Variants in CSNK2A2IP observed in about 807,000 individuals in gnomAD.
The protein encoded by CSNK2A2IP is casein kinase II subunit alpha'-interacting protein.
the CSNK2A2IP span, among the ~76,000 whole-genome samples, chr3:88,350,083 A>T: frequency 2.6e-5 from 4 of 152,016 alleles, no homozygotes; most frequent in African/African-American, 9.7e-5. Context: ...AAGTGTCTTC[A>T]TTTTCAGTAT....
the CSNK2A2IP span, among the ~76,000 whole-genome samples, chr3:88,429,254 A>G: frequency 6.6e-6 from 1 of 151,940 alleles, no homozygotes; most frequent in East Asian, 2.0e-4. Context: ...TCTTCCTACT[A>G]CGCAATGAGC....
the CSNK2A2IP span, chr3:88,343,425 C>T: frequency 6.6e-6 from 1 of 151,830 alleles, no homozygotes; most frequent in Admixed American, 6.6e-5. Context: ...CTTATCACTC[C>T]AGTGAGTCTG....
the CSNK2A2IP span, among the ~76,000 whole-genome samples, chr3:88,342,997 C>T: frequency 6.6e-6 from 1 of 151,916 alleles, no homozygotes; most frequent in Non-Finnish European, 1.5e-5. Context: ...AAATAGCCAC[C>T]TAAGGGTGGG....
At chr3:88,393,661 G>A in the CSNK2A2IP span, among the ~76,000 whole-genome samples, 1 of 152,218 alleles carries the variant, frequency 6.6e-6, no homozygotes, top group African/African-American at 2.4e-5. Flanking sequence ...TGAAATTTCT[G>A]AAGCAAGTTT....
the CSNK2A2IP span, among the ~76,000 whole-genome samples, chr3:88,411,565 A>C: frequency 1.3e-5 from 2 of 151,894 alleles, no homozygotes; most frequent in Non-Finnish European, 2.9e-5. Context: ...CAGCAACTAA[A>C]CAGATACGGA....
chr3:88,375,194 G>A, the CSNK2A2IP span, among the ~76,000 whole-genome samples: 16 of 151,764 alleles, frequency 1.1e-4, no homozygotes, highest in Middle Eastern at 0.01. Context: ...CCCAGTGTCC[G>A]TTAGTTCTCT....
the CSNK2A2IP span, among the ~76,000 whole-genome samples, chr3:88,347,420 A>G: frequency 6.6e-6 from 1 of 152,052 alleles, no homozygotes; most frequent in East Asian, 1.9e-4. Flanking sequence ...GCCTTATTTA[A>G]GGAATTGCCA....
the CSNK2A2IP span, among the ~76,000 whole-genome samples, chr3:88,426,631 G>A: frequency 6.6e-6 from 1 of 152,094 alleles, no homozygotes; most frequent in African/African-American, 2.4e-5. Flanking sequence ...TTGTGATAGG[G>A]AGTGAGTTCT....
chr3:88,432,626 T>C, the CSNK2A2IP span, among the ~76,000 whole-genome samples: 2 of 151,628 alleles, frequency 1.3e-5, no homozygotes, highest in Admixed American at 1.3e-4. Context: ...TTTAAATATA[T>C]ACAACAAAAT....
At chr3:88,397,696 A>G in the CSNK2A2IP span, among the ~76,000 whole-genome samples, 1 of 152,050 alleles carries the variant, frequency 6.6e-6, no homozygotes, top group South Asian at 2.1e-4. Flanking sequence ...ATTGTTTAGC[A>G]TATATAATAT....
the CSNK2A2IP span, among the ~76,000 whole-genome samples, chr3:88,392,373 A>G: frequency 6.6e-6 from 1 of 152,112 alleles, no homozygotes; most frequent in Non-Finnish European, 1.5e-5. Flanking sequence ...AGCCCAATGA[A>G]AGGAATTAGA....
the CSNK2A2IP span, among the ~76,000 whole-genome samples, chr3:88,408,065 A>G: frequency 6.6e-6 from 1 of 152,202 alleles, no homozygotes; most frequent in African/African-American, 2.4e-5. Context: ...ATTTTAAAAT[A>G]TACAATAAAG....
At chr3:88,422,191 A>G in the CSNK2A2IP span, among the ~76,000 whole-genome samples, 1 of 152,352 alleles carries the variant, frequency 6.6e-6, no homozygotes, top group Admixed American at 6.5e-5. Flanking sequence ...AAATTATAAA[A>G]CAAATAATAA....
At chr3:88,393,075 G>A in the CSNK2A2IP span, among the ~76,000 whole-genome samples, 1 of 152,182 alleles carries the variant, frequency 6.6e-6, no homozygotes, top group Admixed American at 6.5e-5. Context: ...ATAGCTGTAT[G>A]TGACATGATA....
chr3:88,467,537 T>A, the CSNK2A2IP span: 1 of 398,378 alleles, frequency 2.5e-6, no homozygotes, highest in African/African-American at 2.1e-5. Flanking sequence ...GCAAACACAC[T>A]GTTCAAATTT....
the CSNK2A2IP span, among the ~76,000 whole-genome samples, chr3:88,393,298 A>G: frequency 6.6e-6 from 1 of 152,206 alleles, no homozygotes; most frequent in Admixed American, 6.5e-5. Flanking sequence ...CAACTTGTGT[A>G]ATAGTTAGAT....
the CSNK2A2IP span, among the ~76,000 whole-genome samples, chr3:88,374,878 A>G: frequency 5.3e-5 from 8 of 151,846 alleles, no homozygotes; most frequent in Admixed American, 2.0e-4. Flanking sequence ...CAGATTCCCA[A>G]TGGATGACGA....
At chr3:88,410,878 G>A in the CSNK2A2IP span, among the ~76,000 whole-genome samples, 8 of 151,860 alleles carry the variant, frequency 5.3e-5, no homozygotes, top group Admixed American at 6.6e-5. Flanking sequence ...TATAGAGAGC[G>A]GAAGCAAAAC....
At chr3:88,442,563 C>A in the CSNK2A2IP span, among the ~76,000 whole-genome samples, 1 of 151,956 alleles carries the variant, frequency 6.6e-6, no homozygotes, top group African/African-American at 2.4e-5. Flanking sequence ...ATCATGTATG[C>A]ATTATTGAAC....
Sources: gnomAD v4.1 joint callset for allele counts (sites outside exome capture counted in the v4.1 genomes callset) on GRCh38, gnomAD v4.1.1 for gene constraint, MANE v1.5 for transcripts, NCBI Gene and HGNC (gene_info 2026-07-23, HGNC 2026-07-21) for gene names.